The following NWD2 variants were observed in gnomAD, a reference collection of about 807,000 sequenced individuals.
The protein encoded by NWD2 is NACHT and WD repeat domain containing 2.
Under a neutral mutation model 132.7 loss-of-function variants are expected in NWD2, and 37 were observed. That is an observed-to-expected ratio of 0.28 (90% confidence interval 0.21 to 0.37). The LOEUF (loss-of-function observed/expected upper bound fraction) is 0.37. NWD2 is among the 10% of genes least tolerant of loss of function. NWD2 has a pLI of 1.00. For synonymous variants in NWD2, 705 were observed against 803.0 expected (o/e 0.88, Z 2.06); for missense variants, 1,592 against 2,122.4 (o/e 0.75, Z 4.91).
Position 37,349,246 on chromosome 4 carries a change from A to T in NWD2, c.241-7120A>T, listed in dbSNP as rs142293774. Among the ~76,000 whole-genome samples, 745 of 152,284 alleles carry T rather than the reference A, an allele frequency of 4.9e-3. 35 individuals are homozygous for T. In the East Asian group the frequency reaches 0.11, roughly 22 times the overall value. On this transcript the variant is annotated intron_variant, in intron 2 of 6. Coordinates refer to ENST00000309447, the MANE Select transcript of NWD2 (RefSeq NM_001144990.2). ...TGGTATTTCTGTTTCTAGATCCTTG[A>T]GGAATCGCCACACTGTCTTCCACAG...
At chr4:37,426,021 G>T (rs577400466) in intron 3 of NWD2, among the ~76,000 whole-genome samples, 1 of 152,300 alleles carries the variant, frequency 6.6e-6, no homozygotes, top group East Asian at 1.9e-4. Flanking sequence ...TTGACCGTAT[G>T]AGCTGGACTT....
chr4:37,365,331 T>G (rs1229224215), intron 3 of NWD2, among the ~76,000 whole-genome samples: 1 of 152,184 alleles, frequency 6.6e-6, no homozygotes, highest in Non-Finnish European at 1.5e-5. Context: ...TATTTTAAAG[T>G]GCAGGGGGGT....
intron 3 of NWD2, among the ~76,000 whole-genome samples, chr4:37,357,293 G>T (rs778981223): frequency 1.3e-5 from 2 of 151,984 alleles, no homozygotes; most frequent in African/African-American, 4.8e-5. Flanking sequence ...AAATCACACC[G>T]TACTGTTAAA....
intron 1 of NWD2, among the ~76,000 whole-genome samples, chr4:37,308,863 C>T (rs1577663067): frequency 6.8e-6 from 1 of 147,856 alleles, no homozygotes; most frequent in African/African-American, 2.5e-5. Context: ...ACTGTGGCTT[C>T]CCCACTAGAC....
chr4:37,404,367 T>G (rs1720954736), intron 3 of NWD2, among the ~76,000 whole-genome samples: 2 of 152,198 alleles, frequency 1.3e-5, no homozygotes. Context: ...AGCATTTGCC[T>G]AGCTGTATAC....
At chr4:37,272,058 TTA>T (rs901057716) in intron 1 of NWD2, among the ~76,000 whole-genome samples, 20 of 151,748 alleles carry the variant, frequency 1.3e-4, no homozygotes, top group Non-Finnish European at 3.0e-4. Context: ...TTGGAAATGA[TTA>T]TATGTTTTTT....
chr4:37,356,855 G>A (rs1476732090), intron 3 of NWD2, among the ~76,000 whole-genome samples: 1 of 152,014 alleles, frequency 6.6e-6, no homozygotes, highest in Non-Finnish European at 1.5e-5. Context: ...AGTTCTTAAC[G>A]CTAGAATTTC....
chr4:37,262,166 C>T (rs185236828), intron 1 of NWD2, among the ~76,000 whole-genome samples: 3 of 152,286 alleles, frequency 2.0e-5, no homozygotes, highest in Non-Finnish European at 2.9e-5. Context: ...TCAAGGAACT[C>T]GTGGAAGCTG....
At chr4:37,307,503 G>A (rs559283803) in intron 1 of NWD2, among the ~76,000 whole-genome samples, 17 of 152,270 alleles carry the variant, frequency 1.1e-4, no homozygotes, top group African/African-American at 3.9e-4. Context: ...CTATTAGTCT[G>A]AAGGGGATTT....
intron 1 of NWD2, among the ~76,000 whole-genome samples, chr4:37,260,322 T>C (rs1361210870): frequency 6.6e-6 from 1 of 152,178 alleles, no homozygotes; most frequent in Admixed American, 6.5e-5. Flanking sequence ...ATCTGTAGAA[T>C]GAGGTGGTTG....
chr4:37,288,558 ATT>A (rs1292746070), intron 1 of NWD2, among the ~76,000 whole-genome samples: 1 of 152,220 alleles, frequency 6.6e-6, no homozygotes, highest in Non-Finnish European at 1.5e-5. Context: ...TGTCAACCTA[ATT>A]TATGTATTAA....
chr4:37,266,144 A>G (rs993240726), intron 1 of NWD2, among the ~76,000 whole-genome samples: 1 of 151,996 alleles, frequency 6.6e-6, no homozygotes, highest in Non-Finnish European at 1.5e-5. Context: ...TTCAAAGCCA[A>G]TCTCAAATGC....
chr4:37,284,660 G>A (rs577261431), intron 1 of NWD2, among the ~76,000 whole-genome samples: 4 of 152,298 alleles, frequency 2.6e-5, no homozygotes, highest in African/African-American at 9.6e-5. Flanking sequence ...GGAAGTAAAA[G>A]GAAGACATTG....
chr4:37,294,117 T>C (rs986284522), intron 1 of NWD2, among the ~76,000 whole-genome samples: 1 of 152,062 alleles, frequency 6.6e-6, no homozygotes, highest in Non-Finnish European at 1.5e-5. Flanking sequence ...GGGAATATAA[T>C]GGGAGGGAAC....
At chr4:37,260,512 A>T (rs1717607760) in intron 1 of NWD2, among the ~76,000 whole-genome samples, 1 of 152,164 alleles carries the variant, frequency 6.6e-6, no homozygotes, top group African/African-American at 2.4e-5. Flanking sequence ...TAAAAATACC[A>T]CCTGTCCTTC....
At chr4:37,357,331 G>C (rs181407894) in intron 3 of NWD2, among the ~76,000 whole-genome samples, 53 of 152,238 alleles carry the variant, frequency 3.5e-4, no homozygotes, top group Admixed American at 2.6e-3. Context: ...CAGCAAAAGT[G>C]TTCTTAATAT....
intron 2 of NWD2, among the ~76,000 whole-genome samples, chr4:37,333,136 C>T (rs1719328877): frequency 6.6e-6 from 1 of 152,182 alleles, no homozygotes; most frequent in Admixed American, 6.5e-5. Flanking sequence ...TGAAGGGCGT[C>T]TCTGAACCTG....
In NWD2 at chr4:37,346,562, G is replaced by T. The variant is rs747930119; in HGVS notation, c.241-9804G>T. Among the ~76,000 whole-genome samples, 2 of 152,096 alleles carry T rather than the reference G, an allele frequency of 1.3e-5. 1 individual carries two copies. The highest frequency in any genetic ancestry group is 2.9e-5 in the Non-Finnish European group (2 of 68,002). ...ATTTCTGCAAATAAACCAACTAGGG[G>T]ATTTATAGTGATTGGATTGAATCTG... On this transcript the variant is annotated intron_variant, in intron 2 of 6. Coordinates refer to ENST00000309447, the MANE Select transcript of NWD2 (RefSeq NM_001144990.2).
At chr4:37,324,398 G>A (rs756473767) in intron 1 of NWD2, among the ~76,000 whole-genome samples, 1 of 151,584 alleles carries the variant, frequency 6.6e-6, no homozygotes, top group Non-Finnish European at 1.5e-5. Flanking sequence ...TTTTAAAGTG[G>A]CTTTTTTGTT....
Sources: allele counts gnomAD v4.1 joint callset (sites outside exome capture counted in the v4.1 genomes callset), GRCh38; gene constraint gnomAD v4.1.1; transcripts MANE v1.5; gene names NCBI Gene and HGNC (gene_info 2026-07-23, HGNC 2026-07-21).